Variants in EHD1 observed in about 807,000 individuals in gnomAD.
EHD1 encodes EH domain containing 1, also known as EH domain-containing protein 1.
A neutral mutation model predicts 39.0 loss-of-function variants in EHD1; 19 were observed. The observed-to-expected ratio is 0.49, with a 90% CI of 0.34 to 0.72. The LOEUF is 0.72. EHD1 is among the 30% of genes least tolerant of loss of function. The probability of loss-of-function intolerance (pLI) is 0.01; values close to 1 mark genes in which losing one functional copy is unlikely to be tolerated. For synonymous variants in EHD1, 323 were observed against 331.2 expected, an observed-to-expected ratio of 0.98 and a Z score of 0.27; for missense variants, 542 against 751.5, an observed-to-expected ratio of 0.72 and a Z score of 3.26.
At chr11:64,860,415 G>C (rs942192866) in intron 2 of EHD1, 79 bp from the exon 3 acceptor site, 4 of 1,502,686 alleles carry the variant, frequency 2.7e-6, no homozygotes, top group Non-Finnish European at 3.6e-6. Context: ...ACCTGGCCTG[G>C]TATTTCTCAG....
In EHD1 at chr11:64,854,077, G is replaced by T; in HGVS notation, c.*256C>A. 1.6e-6 allele frequency: 1 copy of T among 627,662 alleles called. No individual in the cohort carries two copies. The highest frequency in any genetic ancestry group is 2.6e-6 in the Non-Finnish European group (1 of 377,694). 38.9% of individuals were successfully genotyped at this position (627,662 alleles called of 1,614,324 possible). A position where few individuals can be genotyped will look rare whatever the true frequency, so the allele number is the denominator to read the frequency against. ...ACAGGGCTGGCACACAGGGGAGGCG[G>T]CGACAAAGAACGCAGCCTCTAACGT... On this transcript the variant is annotated 3_prime_UTR_variant, in exon 5 of 5. Coordinates refer to ENST00000320631, the MANE Select transcript of EHD1 (RefSeq NM_006795.4).
At position 64,878,541 on chromosome 11, in the gene EHD1, G is replaced by C. The variant is rs1479974268; in HGVS notation, c.-77C>G. The C allele has an allele frequency of 1.6e-5, 23 of 1,480,432 alleles. No homozygotes were observed. Among genetic ancestry groups the C allele is most frequent in the Non-Finnish European group, 2.1e-5 (23 of 1,119,496 alleles). 91.7% of individuals were successfully genotyped at this position (1,480,432 alleles called of 1,614,324 possible). ...GGGCGAGGGTGCGGAGCCGAGGCGG[G>C]GCCGGCCGGGGCAGGGAATCGGGAG... On this transcript the variant is annotated 5_prime_UTR_variant, in exon 1 of 5. Coordinates refer to ENST00000320631, the MANE Select transcript of EHD1 (RefSeq NM_006795.4).
intron 1 of EHD1, among the ~76,000 whole-genome samples, chr11:64,876,157 C>T (rs1244304798): frequency 3.3e-5 from 5 of 152,192 alleles, no homozygotes; most frequent in Non-Finnish European, 5.9e-5. Flanking sequence ...CTTAAGACAC[C>T]CTGACTGCAC....
chr11:64,879,452 CGGAAATTCCCTATGTG>C, upstream of EHD1: 1 of 1,226,536 alleles, frequency 8.2e-7, no homozygotes, highest in African/African-American at 1.5e-5. Flanking sequence ...GAAGTGAAAT[CGGAAATTCCCTATGTG>C]GGGAAGAGGG....
chr11:64,864,318 A>G (rs1169490305), intron 2 of EHD1, among the ~76,000 whole-genome samples: 1 of 152,248 alleles, frequency 6.6e-6, no homozygotes, highest in Non-Finnish European at 1.5e-5. Flanking sequence ...AAGGTGTGGA[A>G]GGGCATCGTG....
Position 64,852,166 on chromosome 11 carries a change from A to C in EHD1, c.*2167T>G, listed in dbSNP as rs965477998. 3 of 152,234 alleles carry C rather than the reference A, an allele frequency of 2.0e-5. No homozygotes were observed. Among genetic ancestry groups the C allele is most frequent in the African/African-American group, 7.2e-5 (3 of 41,440 alleles). 9.4% of individuals were successfully genotyped at this position (152,234 alleles called of 1,614,324 possible). Reference sequence around the variant, plus strand: ...CTGCACCCTTTTATGAAGGGTCACTAATCAGTCACCCTTCCCTCTGCTGGT... The same window carrying C: ...CTGCACCCTTTTATGAAGGGTCACTCATCAGTCACCCTTCCCTCTGCTGGT... On this transcript the variant is annotated 3_prime_UTR_variant, in exon 5 of 5. Transcript: ENST00000320631.
chr11:64,867,670 A>G (rs974777552), intron 2 of EHD1, among the ~76,000 whole-genome samples: 1 of 152,168 alleles, frequency 6.6e-6, no homozygotes, highest in Non-Finnish European at 1.5e-5. Context: ...GTGGGCCGAG[A>G]TTGATCGTGC....
chr11:64,877,703 A>AT, intron 1 of EHD1: 1 of 243,776 alleles, frequency 4.1e-6, no homozygotes, highest in East Asian at 7.6e-5. Context: ...AATTAGGTGC[A>AT]TCCAGCCTGC....
chr11:64,858,154 G>A (rs901247250), intron 3 of EHD1, among the ~76,000 whole-genome samples: 74 of 148,058 alleles, frequency 5.0e-4, no homozygotes, highest in African/African-American at 1.1e-3. Context: ...GATTACAGGC[G>A]TGAGCCACCA....
chr11:64,864,273 G>A (rs755362427), intron 2 of EHD1, among the ~76,000 whole-genome samples: 10 of 152,256 alleles, frequency 6.6e-5, no homozygotes, highest in African/African-American at 1.4e-4. Flanking sequence ...GTGGATGGTC[G>A]GAGACAGCAG....
intron 3 of EHD1, among the ~76,000 whole-genome samples, chr11:64,858,026 CTTTTTTT>C (rs11327531): frequency 1.6e-5 from 2 of 121,848 alleles, no homozygotes; most frequent in African/African-American, 5.9e-5. Context: ...CGGCAAGGGC[CTTTTTTT>C]TTTTTTTTTT....
chr11:64,872,898 C>A (rs1943844999), intron 2 of EHD1, among the ~76,000 whole-genome samples: 1 of 152,226 alleles, frequency 6.6e-6, no homozygotes, highest in Admixed American at 6.5e-5. Flanking sequence ...CCAGCAAAGG[C>A]CAGTCCAGAG....
Position 64,854,602 on chromosome 11 carries a change from G to A in EHD1, c.1336C>T (p.Pro446Ser), listed in dbSNP as rs778458817. 1.1e-4 allele frequency: 182 copies of A among 1,613,846 alleles called. No homozygotes were observed. Among genetic ancestry groups the A allele is most frequent in the Non-Finnish European group, 8.5e-7 (1 of 1,179,962 alleles). ...GTGTAGAAGATCTCGTCGTAGGTGG[G>A]CTTGTCCTTGCCCACCACCCACTCC... The part of the protein sequence containing the change: ...DVEWVVGKDK[P>S]TYDEIFYTLS... Residue 446 changes from proline (P) to serine (S), a missense_variant, in exon 5 of 5, where the codon CCC (proline) becomes TCC (serine). Pro to Ser is a moderately conservative substitution (Grantham distance 74). Transcript: ENST00000320631.
intron 2 of EHD1, among the ~76,000 whole-genome samples, chr11:64,871,074 GA>G (rs1158065373): frequency 5.9e-5 from 9 of 152,188 alleles, no homozygotes; most frequent in Non-Finnish European, 7.4e-5. Flanking sequence ...GGGGAAAGGG[GA>G]AAAAAAGTCA....
Position 64,860,332 on chromosome 11 carries a change from A to C in EHD1, c.507T>G (p.Tyr169Ter). ...ACCACTCCAGGACGGCTGCAAAGTCATAGCCTGGGGGGAAGAGAAGGGAGA... is the reference window on the plus strand; with the variant it reads ...ACCACTCCAGGACGGCTGCAAAGTCCTAGCCTGGGGGGAAGAGAAGGGAGA... The part of the protein sequence containing the change: ...SGEKQRISRG[Y>*]DFAAVLEWFA... Residue 169 changes from tyrosine to a stop codon, truncating the protein, a stop_gained, in exon 3 of 5, where the codon TAT (tyrosine) becomes TAG (stop). Transcript: ENST00000320631. LOFTEE classifies it high-confidence loss of function. The C allele has an allele frequency of 6.2e-7, 1 of 1,609,146 alleles. No individual in the cohort carries two copies. The highest frequency in any genetic ancestry group is 8.5e-7 in the Non-Finnish European group (1 of 1,176,302).
upstream of EHD1, chr11:64,878,755 C>CCA (rs1565727299): frequency 2.8e-6 from 3 of 1,066,942 alleles, no homozygotes; most frequent in Non-Finnish European, 3.7e-6. Flanking sequence ...CCGACTGGTG[C>CCA]CACGTCTTCC....
At chr11:64,874,911 A>G (rs566120055) in intron 1 of EHD1, among the ~76,000 whole-genome samples, 4 of 152,350 alleles carry the variant, frequency 2.6e-5, no homozygotes, top group African/African-American at 7.2e-5. Context: ...GCACTTGGCT[A>G]AATCTCCACA....
chr11:64,860,976 C>T (rs1269976297), intron 2 of EHD1, among the ~76,000 whole-genome samples: 3 of 146,954 alleles, frequency 2.0e-5, no homozygotes, highest in Non-Finnish European at 3.0e-5. Flanking sequence ...GCTGAGATTG[C>T]GCCACTGCAC....
chr11:64,867,066 G>A (rs1053564937), intron 2 of EHD1, among the ~76,000 whole-genome samples: 3 of 152,182 alleles, frequency 2.0e-5, no homozygotes, highest in African/African-American at 7.2e-5. Context: ...AAATGCCAGT[G>A]AAATGCACAC....
Sources: allele counts gnomAD v4.1 joint callset (sites outside exome capture counted in the v4.1 genomes callset), GRCh38; gene constraint gnomAD v4.1.1; transcripts MANE v1.5; gene names NCBI Gene and HGNC (gene_info 2026-07-23, HGNC 2026-07-21).